AK8: variants seen among roughly 807,000 people sequenced by gnomAD.
AK8 encodes ATP-AMP transphosphorylase 8.
A neutral mutation model predicts 54.6 loss-of-function variants in AK8; 44 were observed. That is an observed-to-expected ratio of 0.81 (90% CI 0.63 to 1.04). AK8 has a LOEUF of 1.04. Ranked by LOEUF, AK8 falls within the 50% of genes least tolerant of loss-of-function variation. The probability of loss-of-function intolerance (pLI) is 0.00; values close to 1 mark genes in which losing one functional copy is unlikely to be tolerated. For synonymous variants in AK8, 239 were observed against 245.6 expected (o/e 0.97, Z 0.25); for missense variants, 555 against 613.6 (o/e 0.90, Z 1.01).
intron 10 of AK8, among the ~76,000 whole-genome samples, chr9:132,810,092 A>G (rs904497579): frequency 2.6e-5 from 4 of 152,206 alleles, no homozygotes; most frequent in Non-Finnish European, 4.4e-5. Context: ...AGACCCTGTT[A>G]GTGGTTATGA....
At chr9:132,792,539 G>A in intron 11 of AK8, 95 bp downstream of exon 11, 2 of 1,442,178 alleles carry the variant, frequency 1.4e-6, no homozygotes, top group Non-Finnish European at 1.8e-6. Flanking sequence ...AGGAACACGT[G>A]AAGGCTTGTG....
Position 132,770,484 on chromosome 9 carries a change from T to G in AK8, c.1121+22150A>C, listed in dbSNP as rs1838917149. 6.6e-6 allele frequency among the ~76,000 whole-genome samples: 1 copy of G among 152,066 alleles called. No homozygotes were observed. Among genetic ancestry groups the G allele is most frequent in the African/African-American group, 2.4e-5 (1 of 41,424 alleles). On this transcript the variant is annotated intron_variant, in intron 11 of 12. Transcript: ENST00000298545. The surrounding 1 kb of genome is among the most constrained non-coding windows in gnomAD (Gnocchi z 4.3). Reference sequence around the variant, plus strand: ...GGGGCAGGGGCGAGGGGACACCCTGTGGAGGAGCGGGCTGGGAGCGCGGGG... The same window carrying G: ...GGGGCAGGGGCGAGGGGACACCCTGGGGAGGAGCGGGCTGGGAGCGCGGGG...
intron 11 of AK8, among the ~76,000 whole-genome samples, chr9:132,741,739 C>G (rs906031742): frequency 2.0e-5 from 3 of 152,174 alleles, no homozygotes; most frequent in Admixed American, 2.0e-4. Context: ...CCATCATCAA[C>G]ACAATCTAAG....
intron 11 of AK8, among the ~76,000 whole-genome samples, chr9:132,765,455 T>C (rs952362433): frequency 5.3e-5 from 8 of 151,660 alleles, no homozygotes; most frequent in Non-Finnish European, 8.8e-5. Context: ...AGAAAAATCA[T>C]TTGATAAAAT....
chr9:132,854,078 G>A (rs1242625678), intron 5 of AK8, among the ~76,000 whole-genome samples: 4 of 152,120 alleles, frequency 2.6e-5, no homozygotes, highest in South Asian at 2.1e-4. Flanking sequence ...ATGCATGCCT[G>A]TAGTCCCAGC....
intron 5 of AK8, among the ~76,000 whole-genome samples, chr9:132,845,415 G>C (rs907649420): frequency 6.6e-6 from 1 of 152,182 alleles, no homozygotes; most frequent in African/African-American, 2.4e-5. Flanking sequence ...CACACTGCAG[G>C]TGCACTATGC....
At chr9:132,783,504 T>C (rs1010080623) in intron 11 of AK8, among the ~76,000 whole-genome samples, 1 of 151,458 alleles carries the variant, frequency 6.6e-6, no homozygotes, top group Admixed American at 6.6e-5. Context: ...GTAAAGGATT[T>C]ACAGAATATA....
At chr9:132,846,599 C>T (rs1842763389) in intron 5 of AK8, among the ~76,000 whole-genome samples, 1 of 152,202 alleles carries the variant, frequency 6.6e-6, no homozygotes, top group Admixed American at 6.5e-5. Context: ...GCCAACAAAC[C>T]ATGACAAGGC....
intron 5 of AK8, among the ~76,000 whole-genome samples, chr9:132,852,212 G>A (rs959325171): frequency 3.9e-5 from 6 of 152,164 alleles, no homozygotes; most frequent in African/African-American, 7.2e-5. Flanking sequence ...GGTGGCTCAC[G>A]CCTGTAATCT....
intron 5 of AK8, among the ~76,000 whole-genome samples, chr9:132,848,115 C>CA (rs796764891): frequency 0.12 from 6,112 of 52,370 alleles, 911 homozygotes; most frequent in African/African-American, 0.24. Flanking sequence ...CACCCTGTTT[C>CA]AAAAAAAAAA....
intron 8 of AK8, among the ~76,000 whole-genome samples, chr9:132,824,603 G>A (rs929714554): frequency 2.0e-5 from 3 of 152,200 alleles, no homozygotes; most frequent in African/African-American, 4.8e-5. Flanking sequence ...CAGCACAACC[G>A]CAAGGTATGA....
intron 4 of AK8, 137 bp downstream of exon 4, chr9:132,863,528 T>C (rs1843473179): frequency 1.6e-6 from 1 of 635,946 alleles, no homozygotes; most frequent in South Asian, 2.0e-5. Context: ...CCTGCCTGTA[T>C]CTCATTTTAC....
chr9:132,761,290 A>G (rs570653513), intron 11 of AK8, among the ~76,000 whole-genome samples: 2 of 131,726 alleles, frequency 1.5e-5, no homozygotes, highest in East Asian at 4.1e-4. Context: ...TTTTTGAGAC[A>G]GGGTCTCACT....
At chr9:132,787,366 A>C (rs1203761915) in intron 11 of AK8, among the ~76,000 whole-genome samples, 2 of 152,216 alleles carry the variant, frequency 1.3e-5, no homozygotes, top group Non-Finnish European at 2.9e-5. Flanking sequence ...CAAAAGGAAG[A>C]GCCTACAAAC....
At chr9:132,838,066 C>T (rs1306983221) in intron 5 of AK8, among the ~76,000 whole-genome samples, 1 of 152,198 alleles carries the variant, frequency 6.6e-6, no homozygotes, top group Non-Finnish European at 1.5e-5. Flanking sequence ...TCCTGTGTTC[C>T]TACTGTCAGT....
At chr9:132,852,999 G>A (rs778681428) in intron 5 of AK8, among the ~76,000 whole-genome samples, 22 of 151,892 alleles carry the variant, frequency 1.4e-4, no homozygotes, top group Non-Finnish European at 2.6e-4. Flanking sequence ...CAGGAGCTCA[G>A]CAAACACCAA....
At chr9:132,793,711 A>T (rs60518611) in intron 10 of AK8, among the ~76,000 whole-genome samples, 92 of 152,256 alleles carry the variant, frequency 6.0e-4, no homozygotes, top group African/African-American at 1.9e-3. Context: ...CTCTTCCCAG[A>T]CTCATTAAAT....
At chr9:132,854,691 T>G (rs214640) in intron 5 of AK8, among the ~76,000 whole-genome samples, 166 bp downstream of exon 5, 54,722 of 152,136 alleles carry the variant, frequency 0.36, 11,942 homozygotes, top group South Asian at 0.57. Flanking sequence ...CCTTTTCCTT[T>G]GACAAAAGCA....
intron 11 of AK8, among the ~76,000 whole-genome samples, chr9:132,732,601 T>A (rs1836896716): frequency 6.6e-6 from 1 of 152,058 alleles, no homozygotes; most frequent in Admixed American, 6.6e-5. Flanking sequence ...ATGAGCCTCA[T>A]TTCTGATGAA....
Sources: allele counts gnomAD v4.1 joint callset (sites outside exome capture counted in the v4.1 genomes callset), GRCh38; gene constraint gnomAD v4.1.1; non-coding constraint Gnocchi (gnomAD v3.1); transcripts MANE v1.5; gene names NCBI Gene and HGNC (gene_info 2026-07-23, HGNC 2026-07-21).